NRG1: variants seen among roughly 807,000 people sequenced by gnomAD.
The protein encoded by NRG1 is pro-neuregulin-1, membrane-bound isoform.
A neutral mutation model predicts 63.8 loss-of-function variants in NRG1; 18 were observed. The observed-to-expected ratio is 0.28, with a 90% CI of 0.19 to 0.42. NRG1 has a LOEUF of 0.42. Among genes scored for constraint, NRG1 ranks in the 10% least tolerant of loss-of-function variants. The probability of loss-of-function intolerance (pLI) is 1.00; values close to 1 mark genes in which losing one functional copy is unlikely to be tolerated. For missense variants in NRG1, 762 were observed against 814.7 expected, an observed-to-expected ratio of 0.94 and a Z score of 0.79; for synonymous variants, 302 against 301.3, an observed-to-expected ratio of 1.00 and a Z score of -0.02.
chr8:32,331,298 C>A (rs1586865576), intron 1 of NRG1, among the ~76,000 whole-genome samples: 1 of 150,560 alleles, frequency 6.6e-6, no homozygotes, highest in South Asian at 2.1e-4. Context: ...GAAGGCTGAA[C>A]TCCTGAGTTC....
chr8:32,234,695 C>T (rs1477874758), intron 1 of NRG1, among the ~76,000 whole-genome samples: 1 of 152,212 alleles, frequency 6.6e-6, no homozygotes, highest in East Asian at 1.9e-4. Context: ...TCTGGGCCTC[C>T]TCAAAAACTT....
intron 1 of NRG1, among the ~76,000 whole-genome samples, chr8:31,734,706 A>G (rs1814476307): frequency 6.6e-6 from 1 of 152,158 alleles, no homozygotes; most frequent in African/African-American, 2.4e-5. Context: ...TTACTGCAAA[A>G]ATTTACTCAC....
At chr8:32,628,212 T>G (rs939800683) in intron 5 of NRG1, among the ~76,000 whole-genome samples, 1 of 152,218 alleles carries the variant, frequency 6.6e-6, no homozygotes, top group Non-Finnish European at 1.5e-5. Context: ...GATATTTTTA[T>G]GATGAAATGT....
At chr8:32,450,101 G>A (rs987575133) in intron 1 of NRG1, among the ~76,000 whole-genome samples, 4 of 152,196 alleles carry the variant, frequency 2.6e-5, no homozygotes, top group Non-Finnish European at 5.9e-5. Context: ...ATGATAGAGC[G>A]AAGATAGAAT....
intron 1 of NRG1, among the ~76,000 whole-genome samples, chr8:32,003,597 A>G (rs1813288832): frequency 1.3e-5 from 2 of 152,110 alleles, no homozygotes; most frequent in Non-Finnish European, 2.9e-5. Context: ...AAATACAAGA[A>G]GCATTAAAAA....
chr8:31,773,595 TAAA>T (rs2131582297), intron 1 of NRG1, among the ~76,000 whole-genome samples: 1 of 152,330 alleles, frequency 6.6e-6, no homozygotes, highest in Admixed American at 6.5e-5. Context: ...AGGGATCTTT[TAAA>T]ATTAAAATTC....
intron 5 of NRG1, among the ~76,000 whole-genome samples, chr8:32,723,610 A>T (rs1821229775): frequency 7.5e-6 from 1 of 133,830 alleles, no homozygotes; most frequent in Admixed American, 8.2e-5. Context: ...GAATTGCTTG[A>T]ACCTGGGAGG....
At chr8:31,648,590 A>G (rs1337960169) in intron 1 of NRG1, among the ~76,000 whole-genome samples, 1 of 152,146 alleles carries the variant, frequency 6.6e-6, no homozygotes, top group African/African-American at 2.4e-5. Flanking sequence ...GCCACTGACA[A>G]ACACTATTCT....
At chr8:32,531,419 A>T (rs1312205115) in intron 1 of NRG1, among the ~76,000 whole-genome samples, 1 of 152,070 alleles carries the variant, frequency 6.6e-6, no homozygotes, top group Non-Finnish European at 1.5e-5. Context: ...TTCCCTAAAA[A>T]TTAATTAAAT....
chr8:32,408,761 T>C (rs1187450421), intron 1 of NRG1, among the ~76,000 whole-genome samples: 3 of 152,060 alleles, frequency 2.0e-5, no homozygotes, highest in Non-Finnish European at 4.4e-5. Flanking sequence ...GTTTTTAAAT[T>C]TCTGTTTATT....
intron 1 of NRG1, among the ~76,000 whole-genome samples, chr8:32,278,785 C>T (rs771704830): frequency 6.6e-6 from 1 of 152,184 alleles, no homozygotes; most frequent in East Asian, 1.9e-4. Context: ...TTTGCCAAGA[C>T]CCATCCTGCT....
chr8:32,132,496 C>T lies in NRG1; in HGVS notation c.38-463332C>T, dbSNP rs570798699. On this transcript the variant is annotated intron_variant, in intron 1 of 10. Coordinates refer to the NRG1 transcript ENST00000519301. ...CCCAGGCAAGAGGCAGAGGAAATAC[C>T]CAGTGACAGATCTACTTGGCCCTCG... is the stretch of plus-strand genomic sequence containing the variant. Among the ~76,000 whole-genome samples the T allele has an allele frequency of 2.0e-5, 3 of 152,132 alleles. No homozygotes were observed. In the South Asian group the frequency reaches 6.2e-4, roughly 32 times the overall value.
intron 1 of NRG1, among the ~76,000 whole-genome samples, chr8:31,696,735 G>A (rs138193054): frequency 1.8e-4 from 28 of 152,294 alleles, no homozygotes; most frequent in African/African-American, 6.7e-4. Context: ...ATGGAAACCT[G>A]AGCAGTTGTG....
intron 1 of NRG1, among the ~76,000 whole-genome samples, chr8:32,262,069 A>G (rs1368370146): frequency 6.6e-6 from 1 of 152,176 alleles, no homozygotes; most frequent in Non-Finnish European, 1.5e-5. Flanking sequence ...TCTATAATAA[A>G]TGAAAAGTAT....
intron 1 of NRG1, among the ~76,000 whole-genome samples, chr8:31,944,472 C>T (rs897588308): frequency 3.9e-5 from 6 of 152,204 alleles, no homozygotes; most frequent in African/African-American, 1.4e-4. Flanking sequence ...CCTTCTGGCT[C>T]TAGCTCTTAA....
chr8:32,058,902 A>G (rs757226991), intron 1 of NRG1, among the ~76,000 whole-genome samples: 3 of 152,018 alleles, frequency 2.0e-5, no homozygotes, highest in African/African-American at 7.2e-5. Flanking sequence ...ACTTCTGTCA[A>G]TCACTCTTTC....
intron 1 of NRG1, among the ~76,000 whole-genome samples, chr8:31,703,967 GAT>G (rs1810878512): frequency 6.6e-6 from 1 of 152,198 alleles, no homozygotes; most frequent in South Asian, 2.1e-4. Context: ...GCTCTTGTAA[GAT>G]GTGCTAGCAT....
chr8:32,363,003 G>T (rs190431963), intron 1 of NRG1, among the ~76,000 whole-genome samples: 2 of 152,156 alleles, frequency 1.3e-5, no homozygotes, highest in Non-Finnish European at 1.5e-5. Flanking sequence ...GGCCACATGC[G>T]CATGGGGTGT....
intron 6 of NRG1, among the ~76,000 whole-genome samples, chr8:32,733,173 C>CTTT (rs1824164631): frequency 6.6e-6 from 1 of 152,076 alleles, no homozygotes; most frequent in African/African-American, 2.4e-5. Flanking sequence ...TTGGGACCAC[C>CTTT]AACTATCTTT....
Sources: allele counts gnomAD v4.1 joint callset (sites outside exome capture counted in the v4.1 genomes callset), GRCh38; gene constraint gnomAD v4.1.1; transcripts MANE v1.5; gene names NCBI Gene and HGNC (gene_info 2026-07-23, HGNC 2026-07-21).